EFHD2: variants seen among roughly 807,000 people sequenced by gnomAD.
EFHD2 encodes EF-hand domain family member D2.
A neutral mutation model predicts 20.3 loss-of-function variants in EFHD2; 12 were observed. That is an observed-to-expected ratio of 0.59 (90% CI 0.38 to 0.96). EFHD2 has a LOEUF of 0.96. EFHD2 is among the 40% of genes least tolerant of loss of function. The pLI is 0.00. For synonymous variants in EFHD2, 131 were observed against 143.9 expected, an observed-to-expected ratio of 0.91 and a Z score of 0.64; for missense variants, 250 against 334.3, an observed-to-expected ratio of 0.75 and a Z score of 1.97.
intron 1 of EFHD2, among the ~76,000 whole-genome samples, chr1:15,411,844 G>A (rs1383287858): frequency 2.6e-5 from 4 of 152,170 alleles, no homozygotes; most frequent in African/African-American, 2.4e-5. Flanking sequence ...ACATCAAGCC[G>A]GAAGCCCAGG....
intron 1 of EFHD2, among the ~76,000 whole-genome samples, chr1:15,424,183 GAA>G (rs796607296): frequency 4.5e-5 from 5 of 112,070 alleles, no homozygotes; most frequent in Non-Finnish European, 3.9e-5. Context: ...GTCTCAAAAA[GAA>G]AAAAAAAAAA....
At chr1:15,427,066 G>A in intron 2 of EFHD2, 84 bp from the exon 3 acceptor site, 1 of 1,539,942 alleles carries the variant, frequency 6.5e-7, no homozygotes, top group East Asian at 2.3e-5. Flanking sequence ...GGAGGCCTGA[G>A]GCTGGGGCCT....
At chr1:15,411,171 G>A (rs1353515382) in intron 1 of EFHD2, among the ~76,000 whole-genome samples, 1 of 138,004 alleles carries the variant, frequency 7.2e-6, no homozygotes, top group African/African-American at 2.8e-5. Flanking sequence ...TCTGTCGCAA[G>A]GCCCCCCATC....
intron 1 of EFHD2, among the ~76,000 whole-genome samples, chr1:15,415,739 C>G (rs1277875290): frequency 6.6e-6 from 1 of 152,162 alleles, no homozygotes; most frequent in East Asian, 1.9e-4. Context: ...ATCTGCCCGC[C>G]TCAGCCTCCC....
chr1:15,427,880 C>A, intron 3 of EFHD2: 1 of 469,230 alleles, frequency 2.1e-6, no homozygotes, highest in Non-Finnish European at 4.4e-6. Flanking sequence ...ATTGGTGGAA[C>A]TTTTCAGGGT....
chr1:15,412,355 C>T (rs1471075572), intron 1 of EFHD2, among the ~76,000 whole-genome samples: 2 of 152,188 alleles, frequency 1.3e-5, no homozygotes, highest in Non-Finnish European at 2.9e-5. Context: ...GTCCCTCAAA[C>T]AGCCCTGTGA....
At chr1:15,410,569 C>T (rs1430548083) in intron 1 of EFHD2, among the ~76,000 whole-genome samples, 1 of 152,160 alleles carries the variant, frequency 6.6e-6, no homozygotes, top group Non-Finnish European at 1.5e-5. Flanking sequence ...GGACCCCAGG[C>T]TTCCTTCCAG....
At chr1:15,424,054 T>C (rs1250501992) in intron 1 of EFHD2, among the ~76,000 whole-genome samples, 1 of 151,310 alleles carries the variant, frequency 6.6e-6, no homozygotes, top group Non-Finnish European at 1.5e-5. Context: ...TGGCCAGTCA[T>C]GGTGGCATGC....
chr1:15,416,794 T>C (rs1707678982), intron 1 of EFHD2, among the ~76,000 whole-genome samples: 2 of 152,056 alleles, frequency 1.3e-5, no homozygotes, highest in Non-Finnish European at 2.9e-5. Context: ...CCACCCCAGA[T>C]TTACCAGACT....
chr1:15,421,373 T>C (rs1423962132), intron 1 of EFHD2, among the ~76,000 whole-genome samples: 3 of 152,170 alleles, frequency 2.0e-5, no homozygotes, highest in Non-Finnish European at 4.4e-5. Flanking sequence ...CCTCCACGGC[T>C]ACCTCTGGGG....
At position 15,428,807 on chromosome 1, in the gene EFHD2, C is replaced by A; in HGVS notation, c.*83C>A. The A allele has an allele frequency of 6.5e-7, 1 of 1,536,262 alleles. No homozygotes were observed. Among genetic ancestry groups the A allele is most frequent in the South Asian group, 1.2e-5 (1 of 82,994 alleles). On this transcript the variant is annotated 3_prime_UTR_variant, in exon 4 of 4. Transcript: ENST00000375980. Reference sequence around the variant, plus strand: ...ATGGGAGGCCGAGCCTGAATCCTTGCCTGTGTCTGACGGGACCACTACTAA... The same window carrying A: ...ATGGGAGGCCGAGCCTGAATCCTTGACTGTGTCTGACGGGACCACTACTAA...
At chr1:15,418,890 G>A (rs1465020733) in intron 1 of EFHD2, among the ~76,000 whole-genome samples, 3 of 152,226 alleles carry the variant, frequency 2.0e-5, no homozygotes, top group Admixed American at 6.5e-5. Flanking sequence ...GGGCTAAGTC[G>A]CTTCCCCTCT....
intron 1 of EFHD2, among the ~76,000 whole-genome samples, chr1:15,425,200 CAG>C: frequency 6.6e-6 from 1 of 152,222 alleles, no homozygotes; most frequent in African/African-American, 2.4e-5. Context: ...GTGCTCAGCT[CAG>C]AGCCTGATCC....
chr1:15,423,078 T>A (rs945694503), intron 1 of EFHD2, among the ~76,000 whole-genome samples: 1 of 152,128 alleles, frequency 6.6e-6, no homozygotes, highest in African/African-American at 2.4e-5. Context: ...CCCACGGTCA[T>A]GTGGCGCCCG....
Position 15,428,945 on chromosome 1 carries a change from T to TGCCCG in EFHD2, c.*231_*235dup, listed in dbSNP as rs1707919748. 7 of 620,214 alleles carry TGCCCG rather than the reference T, an allele frequency of 1.1e-5. No homozygotes were observed. Among genetic ancestry groups the TGCCCG allele is most frequent in the South Asian group, 9.7e-5 (5 of 51,338 alleles). The allele number at this position is 620,214 out of a possible 1,614,324, so 38.4% of individuals were successfully genotyped here. A position where few individuals can be genotyped will look rare whatever the true frequency, so the allele number is the denominator to read the frequency against. On this transcript the variant is annotated 3_prime_UTR_variant, in exon 4 of 4. Coordinates refer to ENST00000375980, the MANE Select transcript of EFHD2 (RefSeq NM_024329.6). ...GGCCGCCACACCGGCGCTGGCTCCC[T>TGCCCG]GCCCGGCCCGGCCCTCCCTGGCAAT...
At chr1:15,428,219 G>A (rs566774967) in intron 3 of EFHD2, among the ~76,000 whole-genome samples, 3 of 152,138 alleles carry the variant, frequency 2.0e-5, no homozygotes, top group South Asian at 2.1e-4. Flanking sequence ...AAGGCCGGGC[G>A]CAGTGGCTCA....
At position 15,409,925 on chromosome 1, in the gene EFHD2, G is replaced by T; in HGVS notation, c.-47G>T. On this transcript the variant is annotated 5_prime_UTR_variant, in exon 1 of 4. Coordinates refer to ENST00000375980, the MANE Select transcript of EFHD2 (RefSeq NM_024329.6). ...GAGGAAGAGCGCGGCCGGCGGCGCTGCGCTGAGAGCAGGGGCCCGGCCAAG... is the reference window on the plus strand; with the variant it reads ...GAGGAAGAGCGCGGCCGGCGGCGCTTCGCTGAGAGCAGGGGCCCGGCCAAG... 9 of 1,206,146 alleles carry T rather than the reference G, an allele frequency of 7.5e-6. No individual in the cohort carries two copies. In the East Asian group the frequency reaches 1.1e-4, roughly 14 times the overall value. 74.7% of individuals were successfully genotyped at this position (1,206,146 alleles called of 1,614,324 possible).
In EFHD2 at chr1:15,410,182, G is replaced by A. The variant is rs778167206; in HGVS notation, c.211G>A (p.Glu71Lys). 24 of 1,604,952 alleles carry A rather than the reference G, an allele frequency of 1.5e-5. No homozygotes were observed. Among genetic ancestry groups the A allele is most frequent in the Non-Finnish European group, 2.0e-5 (23 of 1,176,880 alleles). ...CGCAGACCTCAACCAGGGCATCGGCGAGCCCCAGTCGCCCAGCCGCCGCGT... is the reference window on the plus strand; with the variant it reads ...CGCAGACCTCAACCAGGGCATCGGCAAGCCCCAGTCGCCCAGCCGCCGCGT... ...RRADLNQGIG[E>K]PQSPSRRVFN... The change falls in exon 1 of 4, where the codon GAG becomes AAG. Residue 71 changes from glutamate (E) to lysine (K), a missense_variant. Glu to Lys is a moderately conservative substitution (Grantham distance 56). Transcript: ENST00000375980.
At chr1:15,419,076 A>G (rs1707742094) in intron 1 of EFHD2, among the ~76,000 whole-genome samples, 1 of 152,262 alleles carries the variant, frequency 6.6e-6, no homozygotes, top group African/African-American at 2.4e-5. Flanking sequence ...GGACATCTGC[A>G]CTGTGCATGG....
Sources: allele counts gnomAD v4.1 joint callset (sites outside exome capture counted in the v4.1 genomes callset), GRCh38; gene constraint gnomAD v4.1.1; transcripts MANE v1.5; gene names NCBI Gene and HGNC (gene_info 2026-07-23, HGNC 2026-07-21).